Variants in LRRC4C observed in about 807,000 individuals in gnomAD.
LRRC4C encodes the protein leucine rich repeat containing 4C, also known as leucine-rich repeat-containing protein 4C.
In LRRC4C, 5 loss-of-function variants were observed where a neutral mutation model predicts 33.6. The ratio of observed to expected loss-of-function variants is 0.15; its 90% CI spans 0.08 to 0.31. The LOEUF (loss-of-function observed/expected upper bound fraction) is 0.31. Among genes scored for constraint, LRRC4C ranks in the 10% least tolerant of loss-of-function variants. The pLI, the probability that LRRC4C is intolerant of heterozygous loss-of-function variation, is 1.00. For synonymous variants in LRRC4C, 329 were observed against 302.0 expected, an observed-to-expected ratio of 1.09 and a Z score of -0.93; for missense variants, 560 against 796.7, an observed-to-expected ratio of 0.70 and a Z score of 3.58.
intron 2 of LRRC4C, among the ~76,000 whole-genome samples, chr11:40,669,937 C>G (rs148787656): frequency 2.6e-5 from 4 of 152,288 alleles, no homozygotes; most frequent in African/African-American, 7.2e-5. Context: ...ATATACTATA[C>G]TATAATGACC....
intron 1 of LRRC4C, among the ~76,000 whole-genome samples, chr11:41,353,984 G>A (rs932509628): frequency 3.9e-5 from 6 of 152,134 alleles, no homozygotes; most frequent in African/African-American, 1.4e-4. Context: ...GATGCCCACT[G>A]TCAGCACTCC....
At chr11:40,990,234 TA>T (rs1555030582) in intron 1 of LRRC4C, among the ~76,000 whole-genome samples, 2 of 28,074 alleles carry the variant, frequency 7.1e-5, no homozygotes, top group East Asian at 6.2e-4. Context: ...TCAAGTTTTA[TA>T]TATATATATA....
intron 2 of LRRC4C, among the ~76,000 whole-genome samples, chr11:40,920,301 A>G (rs575658375): frequency 1.3e-5 from 2 of 152,278 alleles, no homozygotes; most frequent in Non-Finnish European, 2.9e-5. Context: ...GTTTAATCAC[A>G]CATCTATATT....
At chr11:41,210,309 C>T (rs549249064) in intron 1 of LRRC4C, among the ~76,000 whole-genome samples, 3 of 152,212 alleles carry the variant, frequency 2.0e-5, no homozygotes, top group Non-Finnish European at 4.4e-5. Context: ...ATAACTGAAT[C>T]ATGGGGGCGG....
intron 1 of LRRC4C, among the ~76,000 whole-genome samples, chr11:41,101,443 T>G (rs536125695): frequency 6.6e-6 from 1 of 151,974 alleles, no homozygotes; most frequent in African/African-American, 2.4e-5. Flanking sequence ...GAAACCACAA[T>G]GAGATACCAG....
chr11:40,738,635 AAC>A (rs1472292400), intron 2 of LRRC4C, among the ~76,000 whole-genome samples: 1 of 152,100 alleles, frequency 6.6e-6, no homozygotes, highest in African/African-American at 2.4e-5. Context: ...GGAGACACAA[AAC>A]TTTAGCTCTC....
At chr11:40,958,804 C>G (rs1358061121) in intron 1 of LRRC4C, among the ~76,000 whole-genome samples, 1 of 151,694 alleles carries the variant, frequency 6.6e-6, no homozygotes. Context: ...CTCATTTAAA[C>G]ATACAGGATT....
chr11:41,212,725 C>T (rs556865231), intron 1 of LRRC4C, among the ~76,000 whole-genome samples: 1 of 152,210 alleles, frequency 6.6e-6, no homozygotes, highest in Non-Finnish European at 1.5e-5. Flanking sequence ...CGAAGCTCCA[C>T]TTATGTCCCT....
At chr11:40,253,116 T>C (rs1378877297) in intron 4 of LRRC4C, among the ~76,000 whole-genome samples, 1 of 152,208 alleles carries the variant, frequency 6.6e-6, no homozygotes, top group Non-Finnish European at 1.5e-5. Context: ...ATCTTTTTAA[T>C]AGCTGCAGAA....
chr11:40,983,128 T>C (rs1852659122), intron 1 of LRRC4C, among the ~76,000 whole-genome samples: 1 of 152,196 alleles, frequency 6.6e-6, no homozygotes, highest in Admixed American at 6.5e-5. Context: ...AGTGCTGTAA[T>C]GGACAAAAGC....
chr11:41,251,333 A>G (rs1471842924), intron 1 of LRRC4C, among the ~76,000 whole-genome samples: 2 of 152,226 alleles, frequency 1.3e-5, no homozygotes, highest in African/African-American at 4.8e-5. Context: ...TCTTCGCTGT[A>G]GAGCTCACCG....
At chr11:40,738,701 A>G (rs948414639) in intron 2 of LRRC4C, among the ~76,000 whole-genome samples, 2 of 152,120 alleles carry the variant, frequency 1.3e-5, no homozygotes, top group Non-Finnish European at 2.9e-5. Flanking sequence ...CAGAATGGAT[A>G]CTTCCTTAGG....
In LRRC4C at chr11:40,776,845, T is replaced by C. The variant is rs185824396; in HGVS notation, c.-406-128567A>G. The stretch of plus-strand genomic sequence containing the variant: ...ATAGTTAATTTGAGTTATTTCTAAC[T>C]TCTTGTTTTAGGTGTTCAGAGCTAT... On this transcript the variant is annotated intron_variant, in intron 2 of 6. Transcript: ENST00000528697. Among the ~76,000 whole-genome samples the C allele has an allele frequency of 5.9e-5, 9 of 152,320 alleles. No individual in the cohort carries two copies. The East Asian group carries it at 1.7e-3, about 29-fold the overall frequency.
At chr11:41,286,954 C>T (rs1000085868) in intron 1 of LRRC4C, among the ~76,000 whole-genome samples, 5 of 152,080 alleles carry the variant, frequency 3.3e-5, no homozygotes, top group African/African-American at 1.2e-4. Context: ...CAAGATCTAC[C>T]AGTGAAGGAA....
intron 1 of LRRC4C, among the ~76,000 whole-genome samples, chr11:40,984,762 A>T (rs983330381): frequency 2.6e-5 from 4 of 152,070 alleles, no homozygotes; most frequent in African/African-American, 9.7e-5. Flanking sequence ...ATCAACTTTC[A>T]TGGAGGGAAG....
chr11:41,305,621 C>A (rs933019313), intron 1 of LRRC4C, among the ~76,000 whole-genome samples: 1 of 68,150 alleles, frequency 1.5e-5, no homozygotes, highest in East Asian at 3.9e-4. Context: ...CCTGTGCTCT[C>A]TGAAACATGT....
At chr11:40,830,526 A>G (rs1359051996) in intron 2 of LRRC4C, among the ~76,000 whole-genome samples, 1 of 152,090 alleles carries the variant, frequency 6.6e-6, no homozygotes, top group Non-Finnish European at 1.5e-5. Flanking sequence ...ATTTCTGTAG[A>G]AATTATATAC....
intron 6 of LRRC4C, 77 bp from the exon 7 acceptor site, chr11:40,116,411 T>TA (rs1365062930): frequency 2.8e-6 from 4 of 1,423,636 alleles, no homozygotes; most frequent in Non-Finnish European, 3.8e-6. Context: ...ATGTCGGTGA[T>TA]ATAGTGTATC....
intron 1 of LRRC4C, among the ~76,000 whole-genome samples, chr11:41,330,060 G>C (rs563791328): frequency 9.0e-4 from 137 of 152,262 alleles, no homozygotes; most frequent in African/African-American, 3.0e-3. Context: ...GGCCAAGAAG[G>C]GTTCACCATT....
Sources: gnomAD v4.1 joint callset for allele counts (sites outside exome capture counted in the v4.1 genomes callset) on GRCh38, gnomAD v4.1.1 for gene constraint, MANE v1.5 for transcripts, NCBI Gene and HGNC (gene_info 2026-07-23, HGNC 2026-07-21) for gene names.